The following PDE11A variants were observed in gnomAD, a reference collection of about 807,000 sequenced individuals.
The protein encoded by PDE11A is dual 3',5'-cyclic-AMP and -GMP phosphodiesterase 11A.
PDE11A carries 100 observed loss-of-function variants against 100.5 expected under a neutral mutation model. The ratio of observed to expected loss-of-function variants is 1.00; its 90% confidence interval spans 0.85 to 1.18. The LOEUF (loss-of-function observed/expected upper bound fraction) is 1.18. PDE11A is among the 50% of genes most tolerant of loss of function. PDE11A has a pLI of 0.00. For missense variants in PDE11A, 1,141 were observed against 1,152.6 expected (o/e 0.99, Z 0.15); for synonymous variants, 381 against 420.8 (o/e 0.91, Z 1.16).
At chr2:177,730,442 A>C (rs1406886699) in intron 10 of PDE11A, among the ~76,000 whole-genome samples, 1 of 151,896 alleles carries the variant, frequency 6.6e-6, no homozygotes, top group Non-Finnish European at 1.5e-5. Flanking sequence ...AAATTCCCTT[A>C]ACTTGACCTT....
At chr2:177,692,907 C>A (rs1490265531) in intron 15 of PDE11A, among the ~76,000 whole-genome samples, 2 of 152,112 alleles carry the variant, frequency 1.3e-5, no homozygotes, top group African/African-American at 4.8e-5. Context: ...TAGAGCATGG[C>A]AAGAAATCTT....
chr2:177,738,005 T>C (rs1056413353), intron 10 of PDE11A, among the ~76,000 whole-genome samples: 7 of 152,182 alleles, frequency 4.6e-5, no homozygotes, highest in Non-Finnish European at 8.8e-5. Context: ...CCTGGTGAAT[T>C]TGAGTTGTGT....
upstream of PDE11A, among the ~76,000 whole-genome samples, chr2:178,074,338 C>T (rs2087179514): frequency 6.6e-6 from 1 of 152,024 alleles, no homozygotes; most frequent in Non-Finnish European, 1.5e-5. Flanking sequence ...TTGAATTGTA[C>T]ATTTAATTGA....
chr2:177,870,946 G>C (rs925869604), intron 5 of PDE11A, among the ~76,000 whole-genome samples: 2 of 152,060 alleles, frequency 1.3e-5, no homozygotes, highest in Admixed American at 6.6e-5. Flanking sequence ...ACCTCTTTTA[G>C]TTCTAATTCC....
At chr2:177,711,513 A>G (rs2081358926) in intron 13 of PDE11A, among the ~76,000 whole-genome samples, 1 of 152,242 alleles carries the variant, frequency 6.6e-6, no homozygotes, top group East Asian at 1.9e-4. Flanking sequence ...AGACCCTTTA[A>G]AATCCAAGCT....
At chr2:177,826,661 C>A (rs1353388700) in intron 6 of PDE11A, among the ~76,000 whole-genome samples, 5 of 152,234 alleles carry the variant, frequency 3.3e-5, no homozygotes, top group African/African-American at 4.8e-5. Context: ...ACTGCCCATG[C>A]AGCAAAGTCT....
intron 5 of PDE11A, among the ~76,000 whole-genome samples, chr2:177,852,072 C>T (rs1025416818): frequency 1.3e-5 from 2 of 152,120 alleles, no homozygotes; most frequent in African/African-American, 4.8e-5. Context: ...TATGTATATA[C>T]CTAAGTACTT....
intron 2 of PDE11A, among the ~76,000 whole-genome samples, chr2:178,091,668 C>T (rs2087424726): frequency 1.3e-5 from 2 of 152,180 alleles, no homozygotes; most frequent in Non-Finnish European, 2.9e-5. Context: ...TGCAGGACTG[C>T]ACAGCTGTTG....
rs183530683 is a variant in PDE11A at position 177,766,339 on chromosome 2, C to T, written c.1788+2984G>A. ...CGGAGCTCAGGTGGTAATATTTGCA[C>T]GCCTGCTGCTCACCTCCTGCTGTGT... On this transcript the variant is annotated intron_variant, in intron 10 of 19. Coordinates refer to ENST00000286063, the MANE Select transcript of PDE11A (RefSeq NM_016953.4). 4.6e-3 allele frequency among the ~76,000 whole-genome samples: 703 copies of T among 152,298 alleles called. 3 individuals are homozygous for T. Among genetic ancestry groups the T allele is most frequent in the Non-Finnish European group, 5.6e-3 (382 of 68,026 alleles).
intron 9 of PDE11A, among the ~76,000 whole-genome samples, chr2:177,794,783 T>A (rs1018725869): frequency 2.7e-5 from 4 of 147,464 alleles, no homozygotes; most frequent in Non-Finnish European, 4.5e-5. Context: ...TGTTTGTTTG[T>A]TTGTTTGTTT....
At chr2:178,084,868 T>C (rs1318479658) in intron 2 of PDE11A, among the ~76,000 whole-genome samples, 4 of 152,186 alleles carry the variant, frequency 2.6e-5, no homozygotes, top group African/African-American at 9.6e-5. Flanking sequence ...TAATTGACAT[T>C]GGCCTTGCCT....
intron 13 of PDE11A, among the ~76,000 whole-genome samples, chr2:177,705,796 C>G (rs1210825446): frequency 6.6e-6 from 1 of 152,106 alleles, no homozygotes; most frequent in African/African-American, 2.4e-5. Context: ...TTAATGTGCC[C>G]CAGTATTTCA....
chr2:178,093,087 G>A (rs2087444511), intron 2 of PDE11A: 2 of 152,196 alleles, frequency 1.3e-5, no homozygotes, highest in South Asian at 4.1e-4. Flanking sequence ...TATTTTAACT[G>A]AGACTTATAG....
chr2:177,789,261 C>T (rs2082591211), intron 9 of PDE11A, among the ~76,000 whole-genome samples: 1 of 151,998 alleles, frequency 6.6e-6, no homozygotes, highest in African/African-American at 2.4e-5. Flanking sequence ...TGTAATCCAG[C>T]ATATAAACAG....
At chr2:177,979,962 T>A (rs914118948) in intron 2 of PDE11A, among the ~76,000 whole-genome samples, 3 of 150,482 alleles carry the variant, frequency 2.0e-5, no homozygotes. Flanking sequence ...AGTAAGAACA[T>A]TTGTTTCAAT....
At chr2:177,752,687 A>C (rs2082039948) in intron 10 of PDE11A, among the ~76,000 whole-genome samples, 1 of 152,228 alleles carries the variant, frequency 6.6e-6, no homozygotes, top group African/African-American at 2.4e-5. Flanking sequence ...GTCATTCAAC[A>C]AATGTTTTAT....
At chr2:177,772,948 T>C (rs2082330282) in intron 9 of PDE11A, among the ~76,000 whole-genome samples, 1 of 150,306 alleles carries the variant, frequency 6.7e-6, no homozygotes, top group Admixed American at 6.6e-5. Flanking sequence ...TTAATGTGTC[T>C]TTTAATAAAC....
At chr2:177,713,163 C>A (rs1265505584) in intron 12 of PDE11A, among the ~76,000 whole-genome samples, 1 of 152,110 alleles carries the variant, frequency 6.6e-6, no homozygotes, top group East Asian at 1.9e-4. Context: ...CACCCACCAC[C>A]ACGCCCAGCT....
chr2:177,697,256 A>G (rs112232238), intron 15 of PDE11A, 76 bp downstream of exon 15: 1 of 793,962 alleles, frequency 1.3e-6, no homozygotes, highest in Non-Finnish European at 2.3e-6. Context: ...ATAACAGGTA[A>G]CCTCCAGTGT....
Sources: allele counts gnomAD v4.1 joint callset (sites outside exome capture counted in the v4.1 genomes callset), GRCh38; gene constraint gnomAD v4.1.1; transcripts MANE v1.5; gene names NCBI Gene and HGNC (gene_info 2026-07-23, HGNC 2026-07-21).